Variants in AKAP19 observed in about 807,000 individuals in gnomAD.
AKAP19 encodes the protein A-kinase anchoring protein 19, also known as small A-kinase anchoring protein.
the AKAP19 span, chr2:190,180,352 A>T: frequency 1.7e-6 from 1 of 602,098 alleles, no homozygotes; most frequent in Non-Finnish European, 2.1e-6. This position sits in a 1 kb window ranked among gnomAD's most constrained non-coding sequence, Gnocchi z 6.8. Context: ...TGTTGTCCCA[A>T]GGCAGGCCCC....
the AKAP19 span, among the ~76,000 whole-genome samples, chr2:190,129,610 T>TAGTC: frequency 6.6e-6 from 1 of 152,134 alleles, no homozygotes; most frequent in Non-Finnish European, 1.5e-5. Context: ...GGGCATAGTA[T>TAGTC]AGTCTAATGT....
chr2:190,061,263 T>C, the AKAP19 span, among the ~76,000 whole-genome samples: 1 of 152,060 alleles, frequency 6.6e-6, no homozygotes, highest in Non-Finnish European at 1.5e-5. Context: ...TATAAAGCAT[T>C]GTATTAAAGC....
At chr2:190,156,315 G>A in the AKAP19 span, among the ~76,000 whole-genome samples, 9 of 152,006 alleles carry the variant, frequency 5.9e-5, no homozygotes, top group African/African-American at 2.2e-4. Flanking sequence ...ATTGATTAAA[G>A]AAAAATGAAA....
chr2:189,992,980 C>T, the AKAP19 span, among the ~76,000 whole-genome samples: 1 of 152,186 alleles, frequency 6.6e-6, no homozygotes, highest in South Asian at 2.1e-4. Context: ...AGTTTGACTT[C>T]TTCTTTACCA....
the AKAP19 span, among the ~76,000 whole-genome samples, chr2:189,977,145 T>C: frequency 2.6e-5 from 4 of 152,218 alleles, no homozygotes; most frequent in Non-Finnish European, 4.4e-5. Context: ...GTTTTCTTCC[T>C]TGATAAATTG....
chr2:190,064,302 G>A, the AKAP19 span, among the ~76,000 whole-genome samples: 2 of 152,068 alleles, frequency 1.3e-5, no homozygotes, highest in Non-Finnish European at 2.9e-5. Flanking sequence ...TATTAGATCT[G>A]GCTTCTAAGG....
At chr2:189,978,805 G>A in the AKAP19 span, among the ~76,000 whole-genome samples, 9 of 151,806 alleles carry the variant, frequency 5.9e-5, no homozygotes, top group South Asian at 4.2e-4. Context: ...AGCTGAGAAC[G>A]AAATAAATAA....
At chr2:190,043,165 G>A in the AKAP19 span, among the ~76,000 whole-genome samples, 3,172 of 152,172 alleles carry the variant, frequency 0.021, 85 homozygotes, top group African/African-American at 0.054. Context: ...TGATGATTAT[G>A]TGTCTTGGGG....
At chr2:189,974,295 G>A in the AKAP19 span, among the ~76,000 whole-genome samples, 1 of 152,196 alleles carries the variant, frequency 6.6e-6, no homozygotes, top group Non-Finnish European at 1.5e-5. Context: ...GGTTTTGAGT[G>A]AGTTTCTTAA....
At chr2:190,002,021 T>G in the AKAP19 span, among the ~76,000 whole-genome samples, 2 of 152,200 alleles carry the variant, frequency 1.3e-5, no homozygotes, top group Non-Finnish European at 2.9e-5. Context: ...GAGCCCTTTT[T>G]GGAGACAGCA....
At chr2:190,060,599 GA>G in the AKAP19 span, among the ~76,000 whole-genome samples, 1 of 151,892 alleles carries the variant, frequency 6.6e-6, no homozygotes, top group Non-Finnish European at 1.5e-5. Flanking sequence ...AAATGTCAAA[GA>G]AAATAATTAC....
the AKAP19 span, among the ~76,000 whole-genome samples, chr2:190,002,145 T>C: frequency 6.6e-6 from 1 of 152,202 alleles, no homozygotes; most frequent in Non-Finnish European, 1.5e-5. Flanking sequence ...TTCCTAACGT[T>C]CTCATCTGAA....
the AKAP19 span, among the ~76,000 whole-genome samples, chr2:190,143,318 T>C: frequency 6.6e-6 from 1 of 150,580 alleles, no homozygotes; most frequent in Non-Finnish European, 1.5e-5. Flanking sequence ...CTGAACTTTA[T>C]AGTTCCCTAA....
the AKAP19 span, among the ~76,000 whole-genome samples, chr2:190,081,680 T>C: frequency 6.6e-6 from 1 of 152,294 alleles, no homozygotes; most frequent in East Asian, 1.9e-4. Flanking sequence ...AACTCCCCTA[T>C]AGATGGAAGG....
the AKAP19 span, among the ~76,000 whole-genome samples, chr2:190,156,727 A>G: frequency 1.3e-5 from 2 of 152,240 alleles, no homozygotes; most frequent in South Asian, 4.1e-4. Context: ...TGTCATAGCC[A>G]TTAGACTAGC....
the AKAP19 span, among the ~76,000 whole-genome samples, chr2:190,020,739 A>G: frequency 3.9e-5 from 6 of 152,130 alleles, no homozygotes; most frequent in African/African-American, 1.4e-4. Context: ...CTCATTAAAC[A>G]CTAACTCCCT....
chr2:189,918,794 T>C, the AKAP19 span, among the ~76,000 whole-genome samples: 1 of 152,180 alleles, frequency 6.6e-6, no homozygotes, highest in Non-Finnish European at 1.5e-5. Context: ...ATGTAGTATA[T>C]CTATAAAATG....
the AKAP19 span, among the ~76,000 whole-genome samples, chr2:190,013,690 T>C: frequency 2.6e-5 from 4 of 151,950 alleles, no homozygotes; most frequent in Non-Finnish European, 5.9e-5. Context: ...TAATTTTTTG[T>C]ATTTTTTTTA....
the AKAP19 span, among the ~76,000 whole-genome samples, chr2:190,037,922 A>G: frequency 2.0e-5 from 3 of 152,300 alleles, no homozygotes; most frequent in African/African-American, 7.2e-5. Flanking sequence ...GTTTTTTTAA[A>G]TGAAAACTGT....
Sources: gnomAD v4.1 joint callset for allele counts (sites outside exome capture counted in the v4.1 genomes callset) on GRCh38, gnomAD v4.1.1 for gene constraint, Gnocchi (gnomAD v3.1) non-coding constraint, MANE v1.5 for transcripts, NCBI Gene and HGNC (gene_info 2026-07-23, HGNC 2026-07-21) for gene names.